The following PPP2R3C variants were observed in gnomAD, a reference collection of about 807,000 sequenced individuals.
PPP2R3C encodes the protein serine/threonine-protein phosphatase 2A regulatory subunit B'' subunit gamma.
In PPP2R3C, 47 loss-of-function variants were observed where a neutral mutation model predicts 63.7. The ratio of observed to expected loss-of-function variants is 0.74; its 90% CI spans 0.58 to 0.94. PPP2R3C has a LOEUF of 0.94. Ranked by LOEUF, PPP2R3C falls within the 40% of genes least tolerant of loss-of-function variation. The probability of loss-of-function intolerance (pLI) is 0.00; values close to 1 mark genes in which losing one functional copy is unlikely to be tolerated. For synonymous variants in PPP2R3C, 180 were observed against 177.4 expected (o/e 1.01, Z -0.12); for missense variants, 421 against 518.4 (o/e 0.81, Z 1.82).
At chr14:35,114,669 C>T (rs1433614094) in intron 2 of PPP2R3C, among the ~76,000 whole-genome samples, 2 of 150,920 alleles carry the variant, frequency 1.3e-5, no homozygotes, top group East Asian at 3.9e-4. Context: ...ACAAAATAGA[C>T]CTTAAGAAAA....
In PPP2R3C at chr14:35,096,546, A is replaced by G. The variant is rs1219710507; in HGVS notation, c.838+12T>C. On this transcript the variant is annotated intron_variant, in intron 9 of 12. Transcript: ENST00000261475. ...GGATAATTCAAATTTTAGCATTATGATAGGAACATACCATAAACTCTTAGG... is the reference window on the plus strand; with the variant it reads ...GGATAATTCAAATTTTAGCATTATGGTAGGAACATACCATAAACTCTTAGG... 7.5e-6 allele frequency: 12 copies of G among 1,605,258 alleles called. No individual in the cohort carries two copies. The highest frequency in any genetic ancestry group is 9.4e-6 in the Non-Finnish European group (11 of 1,172,968).
chr14:35,107,233 C>T (rs1595111746), intron 6 of PPP2R3C, 71 bp downstream of exon 6: 2 of 1,146,966 alleles, frequency 1.7e-6, no homozygotes, highest in East Asian at 2.4e-5. Flanking sequence ...ATCCCAACAC[C>T]CAGTGATAAC....
At chr14:35,109,695 A>C in intron 4 of PPP2R3C, 124 bp downstream of exon 4, 4 of 686,306 alleles carry the variant, frequency 5.8e-6, no homozygotes, top group Non-Finnish European at 4.6e-6. Context: ...AGCTCAAGCA[A>C]TCCTCTCACC....
intron 9 of PPP2R3C, among the ~76,000 whole-genome samples, chr14:35,095,636 A>C (rs968093001): frequency 6.6e-6 from 1 of 151,492 alleles, no homozygotes; most frequent in Non-Finnish European, 1.5e-5. Context: ...CAGGAGTTCC[A>C]GACCAGCCTG....
At chr14:35,098,365 T>TC (rs2046073558) in intron 7 of PPP2R3C, among the ~76,000 whole-genome samples, 1 of 142,398 alleles carries the variant, frequency 7.0e-6, no homozygotes, top group Admixed American at 7.1e-5. Flanking sequence ...TTTTTTTTTT[T>TC]TTTTGAGACG....
In PPP2R3C at chr14:35,095,096, G is replaced by A. The variant is rs150007051; in HGVS notation, c.927C>T (p.Val309=). 8 of 1,608,114 alleles carry A rather than the reference G, an allele frequency of 5.0e-6. No homozygotes were observed. The East Asian group carries it at 1.8e-4, about 36-fold the overall frequency. Residue 309 remains valine (V), a synonymous_variant, in exon 10 of 13, where the codon GTC becomes GTT. Coordinates refer to ENST00000261475, the MANE Select transcript of PPP2R3C (RefSeq NM_017917.4). ...ACTCCTGGAAAACACGGTCTAAGAAGACATTGGTCATGGTAGCTGTTCCAT... is the reference window on the plus strand; with the variant it reads ...ACTCCTGGAAAACACGGTCTAAGAAAACATTGGTCATGGTAGCTGTTCCAT... ...SRYGTATMTN[V]FLDRVFQECL... is the part of the protein sequence containing the mutation.
At chr14:35,118,685 T>TCA in intron 1 of PPP2R3C, among the ~76,000 whole-genome samples, 1 of 34,520 alleles carries the variant, frequency 2.9e-5, no homozygotes, top group South Asian at 1.1e-3. Flanking sequence ...AGACTGAGTC[T>TCA]CACTGTCACC....
At chr14:35,107,084 T>C (rs537803837) in intron 6 of PPP2R3C, among the ~76,000 whole-genome samples, 3 of 152,198 alleles carry the variant, frequency 2.0e-5, no homozygotes, top group Non-Finnish European at 4.4e-5. Flanking sequence ...TTTAAATTTG[T>C]TTTTTGTTTC....
chr14:35,086,039 A>C, intron 12 of PPP2R3C: 1 of 375,548 alleles, frequency 2.7e-6, no homozygotes, highest in Non-Finnish European at 4.8e-6. Context: ...TTTATAGATG[A>C]AGAAACCAAG....
In PPP2R3C at chr14:35,090,711, AT is replaced by A. The variant is rs35890780; in HGVS notation, c.1113+358del. ...GCCACTGCTTTTGCTGCATCTCACA[AT>A]TTTTTTTTTTTTTTTTTTTTTGAGA... is the stretch of plus-strand genomic sequence containing the variant. On this transcript the variant is annotated intron_variant, in intron 11 of 12. Transcript: ENST00000261475. Among the ~76,000 whole-genome samples, 523 of 110,320 alleles carry A rather than the reference AT, an allele frequency of 4.7e-3. 1 individual carries two copies. Among genetic ancestry groups the A allele is most frequent in the Middle Eastern group, 0.014 (2 of 144 alleles). 72.4% of individuals were successfully genotyped at this position (110,320 alleles called of 152,430 possible).
Position 35,109,803 on chromosome 14 carries a change from A to G in PPP2R3C, c.404+16T>C. The G allele has an allele frequency of 6.5e-7, 1 of 1,528,196 alleles. No individual in the cohort carries two copies. Among genetic ancestry groups the G allele is most frequent in the Non-Finnish European group, 9.0e-7 (1 of 1,107,958 alleles). 94.7% of individuals were successfully genotyped at this position (1,528,196 alleles called of 1,614,324 possible). A position where few individuals can be genotyped will look rare whatever the true frequency, so the allele number is the denominator to read the frequency against. On this transcript the variant is annotated intron_variant, in intron 4 of 12. Coordinates refer to ENST00000261475, the MANE Select transcript of PPP2R3C (RefSeq NM_017917.4). ...CTTAACATAACACATTCTTTTGTTA[A>G]TTATATTATTCTTACTTGCACTTTG...
intron 7 of PPP2R3C, 91 bp downstream of exon 7, chr14:35,099,161 A>C: frequency 1.5e-6 from 2 of 1,367,970 alleles, no homozygotes; most frequent in Non-Finnish European, 1.9e-6. Context: ...CAGGAAAATA[A>C]ATGATATTTT....
chr14:35,097,247 G>A (rs2046029075), intron 7 of PPP2R3C, among the ~76,000 whole-genome samples: 1 of 151,814 alleles, frequency 6.6e-6, no homozygotes, highest in African/African-American at 2.4e-5. Context: ...AAACCTACAG[G>A]CAACATTTAA....
At position 35,104,040 on chromosome 14, in the gene PPP2R3C, C is replaced by T. The variant is rs563124361; in HGVS notation, c.573+3264G>A. Among the ~76,000 whole-genome samples the T allele has an allele frequency of 1.8e-4, 28 of 152,302 alleles. No individual in the cohort carries two copies. The South Asian group carries it at 3.3e-3, about 18-fold the overall frequency. On this transcript the variant is annotated intron_variant, in intron 6 of 12. Transcript: ENST00000261475. ...CCCTTTTGCTCATCTCTCTTTCAAT[C>T]TTTGTTTCCATCCATGGAAAGAGGC...
At chr14:35,094,863 A>G (rs2138627673) in intron 10 of PPP2R3C, among the ~76,000 whole-genome samples, 185 bp downstream of exon 10, 1 of 152,202 alleles carries the variant, frequency 6.6e-6, no homozygotes, top group African/African-American at 2.4e-5. Context: ...CTGAGGCAGG[A>G]GAATCACTTG....
chr14:35,111,289 C>T (rs762212045), intron 2 of PPP2R3C, among the ~76,000 whole-genome samples: 1 of 145,006 alleles, frequency 6.9e-6, no homozygotes, highest in South Asian at 2.2e-4. Flanking sequence ...TGAGGATTAA[C>T]TGGAGATTGA....
At chr14:35,107,513 C>A in intron 5 of PPP2R3C, 139 bp from the exon 6 acceptor site, 1 of 662,902 alleles carries the variant, frequency 1.5e-6, no homozygotes, top group Non-Finnish European at 2.6e-6. Flanking sequence ...TTGCTTGAAA[C>A]AAAAAACCAT....
In PPP2R3C at chr14:35,085,595, T is replaced by C. The variant is rs1265419459; in HGVS notation, c.1357A>G (p.Thr453Ala). 2 of 1,603,792 alleles carry C rather than the reference T, an allele frequency of 1.2e-6. No individual in the cohort carries two copies. The highest frequency in any genetic ancestry group is 1.7e-5 in the Admixed American group (1 of 57,666). The change falls in exon 13 of 13, where the codon ACA (threonine) becomes GCA (alanine). Residue 453 changes from threonine to alanine, a missense_variant. Physicochemically the swap from Thr to Ala is moderately conservative, Grantham distance 58 (BLOSUM62 0). Around this residue, in one of 3 missense-constraint regions of PPP2R3C, gnomAD observed 231 missense variants for 264.8 expected, o/e 0.87. Coordinates refer to ENST00000261475, the MANE Select transcript of PPP2R3C (RefSeq NM_017917.4). ...ACAGTCTAGTCTTTCAGAGATCATGTATCATCAAGGTCTGCAGAGTTTTCA... is the reference window on the plus strand; with the variant it reads ...ACAGTCTAGTCTTTCAGAGATCATGCATCATCAAGGTCTGCAGAGTTTTCA... Reference protein sequence around the residue: ...DSENSADLDDT With the variant: ...DSENSADLDDA
In PPP2R3C at chr14:35,109,065, T is replaced by C. The variant is rs2046456909; in HGVS notation, c.404+754A>G. On this transcript the variant is annotated intron_variant, in intron 4 of 12. Coordinates refer to ENST00000261475, the MANE Select transcript of PPP2R3C (RefSeq NM_017917.4). ...AAGTGTCATAAACTATATTATTTCT[T>C]TTTTTTTTTTGAGATGGAGTCTTGC... Among the ~76,000 whole-genome samples the C allele has an allele frequency of 3.3e-5, 5 of 149,318 alleles. No individual in the cohort carries two copies. In the South Asian group the frequency reaches 1.0e-3, roughly 31 times the overall value.
Sources: gnomAD v4.1 joint callset for allele counts (sites outside exome capture counted in the v4.1 genomes callset) on GRCh38, gnomAD v4.1.1 for gene constraint, gnomAD v4.1.1 regional missense constraint, MANE v1.5 for transcripts, NCBI Gene and HGNC (gene_info 2026-07-23, HGNC 2026-07-21) for gene names.